Variants in ST6GALNAC3 observed in about 807,000 individuals in gnomAD.
ST6GALNAC3 encodes ST6 N-acetylgalactosaminide alpha-2,6-sialyltransferase 3.
A neutral mutation model predicts 32.7 loss-of-function variants in ST6GALNAC3; 25 were observed. The ratio of observed to expected loss-of-function variants is 0.76; its 90% confidence interval spans 0.56 to 1.07. ST6GALNAC3 has a LOEUF of 1.07. Among genes scored for constraint, ST6GALNAC3 ranks in the 50% least tolerant of loss-of-function variants. The pLI is 0.00. For missense variants in ST6GALNAC3, 355 were observed against 382.4 expected (o/e 0.93, Z 0.60); for synonymous variants, 129 against 133.1 (o/e 0.97, Z 0.21).
At chr1:76,077,257 A>C (rs551250479) in intron 1 of ST6GALNAC3, among the ~76,000 whole-genome samples, 1 of 141,834 alleles carries the variant, frequency 7.1e-6, no homozygotes, top group African/African-American at 2.5e-5. Flanking sequence ...AAAACTATGG[A>C]CTTTTTTTTT....
chr1:76,277,567 T>TATATAC (rs1214975640), intron 1 of ST6GALNAC3, among the ~76,000 whole-genome samples: 3 of 51,292 alleles, frequency 5.8e-5, no homozygotes, highest in South Asian at 6.4e-4. Context: ...TATATATATA[T>TATATAC]ACACACACAC....
At chr1:76,555,902 CT>C (rs1664890968) in intron 3 of ST6GALNAC3, among the ~76,000 whole-genome samples, 1 of 152,044 alleles carries the variant, frequency 6.6e-6, no homozygotes, top group Non-Finnish European at 1.5e-5. Flanking sequence ...TACCATACAA[CT>C]CACCCATTTA....
intron 3 of ST6GALNAC3, among the ~76,000 whole-genome samples, chr1:76,455,887 A>G (rs1477952455): frequency 6.6e-6 from 1 of 152,146 alleles, no homozygotes; most frequent in African/African-American, 2.4e-5. Context: ...AGAATTATTT[A>G]TGTAAAAATA....
At chr1:76,592,122 G>T (rs538034064) in intron 3 of ST6GALNAC3, among the ~76,000 whole-genome samples, 2 of 152,274 alleles carry the variant, frequency 1.3e-5, no homozygotes, top group South Asian at 4.1e-4. Context: ...TAATCAAGGA[G>T]AATGACATAA....
intron 2 of ST6GALNAC3, among the ~76,000 whole-genome samples, chr1:76,358,508 A>G (rs1360772629): frequency 1.3e-5 from 2 of 152,108 alleles, no homozygotes; most frequent in Non-Finnish European, 2.9e-5. Context: ...CTCCTAATGT[A>G]TCTAAAATCT....
chr1:76,284,625 G>A (rs1173079265), intron 1 of ST6GALNAC3, among the ~76,000 whole-genome samples: 1 of 120,568 alleles, frequency 8.3e-6, no homozygotes, highest in African/African-American at 3.0e-5. Context: ...AATGCTTGAG[G>A]ATTTTTTTTG....
chr1:76,467,138 G>C (rs1658689164), intron 3 of ST6GALNAC3, among the ~76,000 whole-genome samples: 1 of 152,116 alleles, frequency 6.6e-6, no homozygotes, highest in Non-Finnish European at 1.5e-5. Flanking sequence ...AAAAGAGAGA[G>C]ACATTCTTCC....
intron 1 of ST6GALNAC3, among the ~76,000 whole-genome samples, chr1:76,301,480 A>C (rs1299796231): frequency 1.3e-5 from 2 of 152,102 alleles, no homozygotes; most frequent in Admixed American, 1.3e-4. Context: ...AGGGGAAACT[A>C]TACGTAATAA....
At chr1:76,331,842 A>G (rs566363440) in intron 2 of ST6GALNAC3, among the ~76,000 whole-genome samples, 2 of 152,308 alleles carry the variant, frequency 1.3e-5, no homozygotes, top group South Asian at 2.1e-4. Flanking sequence ...TGCTAGCAAT[A>G]ATTACCCTAC....
At chr1:76,538,746 A>G (rs1306899824) in intron 3 of ST6GALNAC3, among the ~76,000 whole-genome samples, 3 of 152,192 alleles carry the variant, frequency 2.0e-5, no homozygotes, top group South Asian at 4.1e-4. Context: ...GTGCCAAATC[A>G]TGAATGAACT....
At chr1:76,164,520 C>G (rs543390132) in intron 1 of ST6GALNAC3, among the ~76,000 whole-genome samples, 1 of 152,112 alleles carries the variant, frequency 6.6e-6, no homozygotes, top group Non-Finnish European at 1.5e-5. Context: ...CTTAAGCAGA[C>G]CTTTAAGGGC....
At chr1:76,532,477 G>A (rs1570135007) in intron 3 of ST6GALNAC3, among the ~76,000 whole-genome samples, 2 of 152,084 alleles carry the variant, frequency 1.3e-5, no homozygotes, top group East Asian at 3.9e-4. Context: ...ATTCCACTCT[G>A]ATTGAGAGTG....
intron 3 of ST6GALNAC3, among the ~76,000 whole-genome samples, chr1:76,616,111 G>T (rs1324359023): frequency 1.3e-5 from 2 of 152,150 alleles, no homozygotes; most frequent in Non-Finnish European, 2.9e-5. Flanking sequence ...TTTACTGTAA[G>T]CAACAAACAA....
At chr1:76,335,166 C>G (rs1469074884) in intron 2 of ST6GALNAC3, among the ~76,000 whole-genome samples, 1 of 152,214 alleles carries the variant, frequency 6.6e-6, no homozygotes, top group Admixed American at 6.5e-5. Flanking sequence ...TAAGAAGCAT[C>G]TCCTCTTACC....
intron 3 of ST6GALNAC3, among the ~76,000 whole-genome samples, chr1:76,523,442 A>G (rs1662676001): frequency 6.6e-6 from 1 of 152,180 alleles, no homozygotes; most frequent in South Asian, 2.1e-4. Flanking sequence ...TAAAGACTAC[A>G]GAGGCTCCAG....
At chr1:76,301,109 G>C (rs1010009302) in intron 1 of ST6GALNAC3, among the ~76,000 whole-genome samples, 1 of 152,028 alleles carries the variant, frequency 6.6e-6, no homozygotes, top group Admixed American at 6.6e-5. Flanking sequence ...TGGTTTTACA[G>C]ATGAGGAATC....
intron 1 of ST6GALNAC3, among the ~76,000 whole-genome samples, chr1:76,256,411 G>C (rs79069190): frequency 0.012 from 1,860 of 152,244 alleles, 14 homozygotes; most frequent in Non-Finnish European, 0.018. Context: ...CCCATTATGG[G>C]GGCAAAGAGT....
At chr1:76,441,466 T>C (rs1309033628) in intron 3 of ST6GALNAC3, among the ~76,000 whole-genome samples, 1 of 152,146 alleles carries the variant, frequency 6.6e-6, no homozygotes, top group Admixed American at 6.5e-5. Flanking sequence ...AACCCAGATC[T>C]GATTTTTTTT....
chr1:76,269,532 A>C (rs1401723585), intron 1 of ST6GALNAC3, among the ~76,000 whole-genome samples: 22 of 152,192 alleles, frequency 1.4e-4, no homozygotes, highest in Admixed American at 1.4e-3. Flanking sequence ...AAAGTATGGG[A>C]ATATCCTTGG....
Sources: gnomAD v4.1 joint callset for allele counts (sites outside exome capture counted in the v4.1 genomes callset) on GRCh38, gnomAD v4.1.1 for gene constraint, MANE v1.5 for transcripts, NCBI Gene and HGNC (gene_info 2026-07-23, HGNC 2026-07-21) for gene names.